Variants in NDUFAF6 observed in about 807,000 individuals in gnomAD.
NDUFAF6 encodes the protein NADH dehydrogenase (ubiquinone) complex I, assembly factor 6.
Under a neutral mutation model 40.8 loss-of-function variants are expected in NDUFAF6, and 45 were observed. The observed-to-expected ratio is 1.10, with a 90% CI of 0.87 to 1.42. The LOEUF (loss-of-function observed/expected upper bound fraction) is 1.42. Among genes scored for constraint, NDUFAF6 ranks in the 40% most tolerant of loss-of-function variants. NDUFAF6 has a pLI of 0.00. For synonymous variants in NDUFAF6, 185 were observed against 155.9 expected (o/e 1.19, Z -1.39); for missense variants, 435 against 418.5 (o/e 1.04, Z -0.34).
At chr8:95,038,555 C>T (rs569498953) in intron 3 of NDUFAF6, among the ~76,000 whole-genome samples, 17 of 151,970 alleles carry the variant, frequency 1.1e-4, no homozygotes, top group Non-Finnish European at 1.9e-4. Context: ...ACTTTGTTGC[C>T]CAGGCTGGTT....
intron 1 of NDUFAF6, among the ~76,000 whole-genome samples, chr8:94,972,334 C>T (rs896777653): frequency 1.2e-4 from 18 of 152,194 alleles, no homozygotes; most frequent in African/African-American, 3.6e-4. Context: ...CTCTGCCTCC[C>T]GGGTTCAAGC....
At chr8:94,933,720 G>A (rs955272415) in intron 1 of NDUFAF6, among the ~76,000 whole-genome samples, 4 of 151,070 alleles carry the variant, frequency 2.6e-5, no homozygotes, top group African/African-American at 7.3e-5. Context: ...AGCTGAGATC[G>A]CGCCACTGCA....
intron 8 of NDUFAF6, among the ~76,000 whole-genome samples, chr8:95,054,610 T>C (rs1021812116): frequency 8.5e-5 from 13 of 152,054 alleles, no homozygotes; most frequent in African/African-American, 3.1e-4. Flanking sequence ...AATTTTTATA[T>C]TTTTAGTAGA....
chr8:94,916,357 T>C (rs1038831656), intron 1 of NDUFAF6, among the ~76,000 whole-genome samples: 3 of 152,220 alleles, frequency 2.0e-5, no homozygotes, highest in African/African-American at 7.2e-5. Flanking sequence ...TATTGTCCAC[T>C]AGTCTATCAG....
chr8:94,923,968 G>A (rs776148445), intron 1 of NDUFAF6, among the ~76,000 whole-genome samples: 46 of 151,662 alleles, frequency 3.0e-4, no homozygotes, highest in African/African-American at 4.1e-4. Flanking sequence ...GATTACAGGC[G>A]TGAGCCACTG....
intron 2 of NDUFAF6, among the ~76,000 whole-genome samples, chr8:95,003,209 C>T (rs1382210436): frequency 1.3e-5 from 2 of 151,932 alleles, no homozygotes; most frequent in Admixed American, 6.6e-5. Flanking sequence ...AAGGAGGGGC[C>T]GTGGAGGAAG....
intron 1 of NDUFAF6, among the ~76,000 whole-genome samples, chr8:94,904,705 T>C (rs1818276396): frequency 6.6e-6 from 1 of 152,064 alleles, no homozygotes; most frequent in Non-Finnish European, 1.5e-5. Flanking sequence ...TTGCAGTGTT[T>C]CTGTATTTCT....
At chr8:94,996,500 A>G (rs1826437437) in intron 2 of NDUFAF6, among the ~76,000 whole-genome samples, 1 of 152,170 alleles carries the variant, frequency 6.6e-6, no homozygotes, top group African/African-American at 2.4e-5. Context: ...TACCTAGGAG[A>G]TAATCATTAT....
At chr8:95,071,134 T>C (rs1832835078) in intron 9 of NDUFAF6, among the ~76,000 whole-genome samples, 1 of 151,848 alleles carries the variant, frequency 6.6e-6, no homozygotes, top group Admixed American at 6.6e-5. Context: ...CTCAAGCCTG[T>C]AATCCCAGCA....
At chr8:95,110,936 C>A (rs1289156555) in intron 4 of NDUFAF6, among the ~76,000 whole-genome samples, 19 of 152,194 alleles carry the variant, frequency 1.2e-4, no homozygotes, top group Admixed American at 1.2e-3. Context: ...CTTGTAACTT[C>A]TCCAAGCAAT....
At chr8:95,018,567 A>G (rs2131691863) in intron 2 of NDUFAF6, among the ~76,000 whole-genome samples, 1 of 152,058 alleles carries the variant, frequency 6.6e-6, no homozygotes, top group Middle Eastern at 3.4e-3. Flanking sequence ...TTGTGGGGAC[A>G]GACAAGAAAA....
intron 2 of NDUFAF6, among the ~76,000 whole-genome samples, chr8:95,014,233 T>C (rs933014716): frequency 6.6e-6 from 1 of 152,202 alleles, no homozygotes; most frequent in African/African-American, 2.4e-5. Flanking sequence ...GAAAGGAAGA[T>C]TTTAGATGGG....
At chr8:95,007,615 G>T (rs1827049999) in intron 2 of NDUFAF6, among the ~76,000 whole-genome samples, 1 of 150,084 alleles carries the variant, frequency 6.7e-6, no homozygotes, top group African/African-American at 2.5e-5. Flanking sequence ...AGTGAGCCAT[G>T]ACCATGCCAC....
At chr8:94,907,620 A>G (rs1818477402) in intron 1 of NDUFAF6, among the ~76,000 whole-genome samples, 1 of 152,224 alleles carries the variant, frequency 6.6e-6, no homozygotes, top group Non-Finnish European at 1.5e-5. Flanking sequence ...AATAATTGGA[A>G]TGAGAAATGA....
chr8:94,970,153 G>A (rs1824339759), intron 1 of NDUFAF6, among the ~76,000 whole-genome samples: 1 of 151,294 alleles, frequency 6.6e-6, no homozygotes, highest in Admixed American at 6.6e-5. Flanking sequence ...TACTTGGGAG[G>A]CTGAGGCAGG....
intron 9 of NDUFAF6, among the ~76,000 whole-genome samples, chr8:95,074,402 C>G (rs1346460317): frequency 2.0e-5 from 3 of 150,906 alleles, no homozygotes; most frequent in Non-Finnish European, 4.4e-5. Flanking sequence ...GGTCTTTAAT[C>G]TGGGGCCAGG....
chr8:94,915,271 C>T (rs1181324415), intron 1 of NDUFAF6, among the ~76,000 whole-genome samples: 1 of 152,118 alleles, frequency 6.6e-6, no homozygotes, highest in African/African-American at 2.4e-5. Flanking sequence ...ATCTTTCTGT[C>T]CATCTTTACC....
At chr8:95,003,227 G>A (rs1437294273) in intron 2 of NDUFAF6, among the ~76,000 whole-genome samples, 1 of 152,142 alleles carries the variant, frequency 6.6e-6, no homozygotes, top group Non-Finnish European at 1.5e-5. Flanking sequence ...AAGAGATGTT[G>A]GGCAGATGAG....
chr8:95,056,096 T>C (rs1283345964), intron 8 of NDUFAF6, among the ~76,000 whole-genome samples: 2 of 152,234 alleles, frequency 1.3e-5, no homozygotes, highest in Non-Finnish European at 2.9e-5. Flanking sequence ...CTAGGACATG[T>C]ACACACTCTT....
Sources: gnomAD v4.1 joint callset for allele counts (sites outside exome capture counted in the v4.1 genomes callset) on GRCh38, gnomAD v4.1.1 for gene constraint, MANE v1.5 for transcripts, NCBI Gene and HGNC (gene_info 2026-07-23, HGNC 2026-07-21) for gene names.